The following GPNMB variants were observed in gnomAD, a reference collection of about 807,000 sequenced individuals.
The protein encoded by GPNMB is transmembrane glycoprotein NMB.
Under a neutral mutation model 57.3 loss-of-function variants are expected in GPNMB, and 71 were observed. The observed-to-expected ratio is 1.24, with a 90% CI of 1.02 to 1.51. The LOEUF (loss-of-function observed/expected upper bound fraction) is 1.51, where lower values mean the gene tolerates loss of function less well. Ranked by LOEUF, GPNMB falls within the 40% of genes most tolerant of loss-of-function variation. The probability of loss-of-function intolerance (pLI) is 0.00; values close to 1 mark genes in which losing one functional copy is unlikely to be tolerated. For synonymous variants in GPNMB, 253 were observed against 263.2 expected (o/e 0.96, Z 0.38); for missense variants, 677 against 691.9 (o/e 0.98, Z 0.24).
intron 1 of GPNMB, among the ~76,000 whole-genome samples, chr7:23,251,800 A>G (rs562819329): frequency 6.6e-6 from 1 of 152,360 alleles, no homozygotes; most frequent in East Asian, 1.9e-4. Flanking sequence ...CCAGGATCAA[A>G]TCATCTATCT....
chr7:23,271,984 T>C (rs764752597), intron 9 of GPNMB, among the ~76,000 whole-genome samples: 2 of 152,152 alleles, frequency 1.3e-5, no homozygotes, highest in East Asian at 1.9e-4. Flanking sequence ...AAACCAACGA[T>C]GCAAGGGTGC....
chr7:23,267,767 G>A (rs1783102511), intron 7 of GPNMB, 119 bp from the exon 8 acceptor site: 8 of 758,070 alleles, frequency 1.1e-5, no homozygotes, highest in Admixed American at 7.6e-5. Context: ...CACCTTGGGG[G>A]TTTCAACATA....
intron 1 of GPNMB, among the ~76,000 whole-genome samples, chr7:23,248,906 C>T (rs936723416): frequency 6.6e-6 from 1 of 151,982 alleles, no homozygotes. Flanking sequence ...ACCTCAGCCT[C>T]CTGAGTAGCT....
rs1387824564 is a variant in GPNMB at position 23,260,704 on chromosome 7, G to A, written c.949G>A (p.Ala317Thr). ...GTFSLNLTVK[A>T]AAPGPCPPPP... ...CTTCAGCCTTAACCTCACTGTGAAA[G>A]CTGCAGCACCAGGACCTTGTCCGCC... The change falls in exon 6 of 11, where the codon GCT becomes ACT. Residue 317 changes from alanine (A) to threonine (T), a missense_variant. By Grantham distance (58) the Ala-to-Thr change is moderately conservative. Coordinates refer to ENST00000258733, the MANE Select transcript of GPNMB (RefSeq NM_002510.3). 1.9e-6 allele frequency: 3 copies of A among 1,608,276 alleles called. No individual in the cohort carries two copies. In the Admixed American group the frequency reaches 5.0e-5, roughly 27 times the overall value.
intron 3 of GPNMB, among the ~76,000 whole-genome samples, chr7:23,256,553 G>C (rs186480732): frequency 6.6e-6 from 1 of 152,302 alleles, no homozygotes; most frequent in African/African-American, 2.4e-5. Context: ...CCTACAGAAA[G>C]AGGTGTGTCA....
At chr7:23,253,541 C>T (rs148889150) in intron 2 of GPNMB, 82 bp downstream of exon 2, 82 of 1,150,078 alleles carry the variant, frequency 7.1e-5, no homozygotes, top group South Asian at 3.1e-4. Context: ...TTAGATCACA[C>T]GGCTCACGTC....
intron 5 of GPNMB, 103 bp downstream of exon 5, chr7:23,260,241 C>A: frequency 8.2e-7 from 1 of 1,213,186 alleles, no homozygotes; most frequent in Non-Finnish European, 1.2e-6. Flanking sequence ...GGTTACAATG[C>A]ATCTGGCCCA....
intron 1 of GPNMB, among the ~76,000 whole-genome samples, chr7:23,248,558 C>T (rs1218718683): frequency 2.0e-5 from 3 of 152,070 alleles, no homozygotes; most frequent in African/African-American, 7.2e-5. Flanking sequence ...CTACCATTTT[C>T]CATTCGTAGC....
At chr7:23,265,634 C>T (rs1783039261) in intron 6 of GPNMB, among the ~76,000 whole-genome samples, 1 of 152,040 alleles carries the variant, frequency 6.6e-6, no homozygotes, top group South Asian at 2.1e-4. Flanking sequence ...GATCTTTTCC[C>T]ATATTACTGA....
rs543097618 is a variant in GPNMB, at chr7:23,253,931, C to T, written c.224-238C>T. On this transcript the variant is annotated intron_variant, in intron 2 of 10. Transcript: ENST00000258733. ...CAACAGAGCTGATTTGTTTTATTAT[C>T]ATAGGTAAATGTTCTTGCTGTGATT... is the stretch of plus-strand genomic sequence containing the variant. Among the ~76,000 whole-genome samples, 50 of 152,304 alleles carry T rather than the reference C, an allele frequency of 3.3e-4. 1 individual carries two copies. The highest frequency in any genetic ancestry group is 6.8e-3 in the Middle Eastern group (2 of 294).
intron 9 of GPNMB, among the ~76,000 whole-genome samples, chr7:23,272,495 GAGAA>G (rs1053053765): frequency 4.0e-5 from 6 of 151,478 alleles, no homozygotes; most frequent in Admixed American, 1.3e-4. Context: ...AAAAGAGAGA[GAGAA>G]AGAGAGAGAG....
intron 4 of GPNMB, 124 bp from the exon 5 acceptor site, chr7:23,259,856 C>A: frequency 1.3e-6 from 1 of 797,800 alleles, no homozygotes; most frequent in Non-Finnish European, 2.0e-6. Context: ...AGCAGCACCA[C>A]AGGCCCATCC....
chr7:23,257,808 C>A (rs1200368023), intron 4 of GPNMB: 2 of 152,070 alleles, frequency 1.3e-5, no homozygotes, highest in African/African-American at 4.8e-5. Context: ...AGGAAATCCT[C>A]AGAAAAGGTA....
At chr7:23,270,369 C>T (rs933990619) in intron 9 of GPNMB, among the ~76,000 whole-genome samples, 194 bp downstream of exon 9, 7 of 152,102 alleles carry the variant, frequency 4.6e-5, no homozygotes, top group Admixed American at 3.9e-4. Flanking sequence ...AGTGATGAGA[C>T]ATCTGGTGAA....
chr7:23,272,856 T>G (rs1036976853), intron 9 of GPNMB, among the ~76,000 whole-genome samples: 2 of 151,860 alleles, frequency 1.3e-5, no homozygotes, highest in South Asian at 4.2e-4. Context: ...CTTTTTTTTT[T>G]TTTTTGAGGC....
At chr7:23,252,474 C>A (rs565809123) in intron 1 of GPNMB, among the ~76,000 whole-genome samples, 1 of 152,262 alleles carries the variant, frequency 6.6e-6, no homozygotes, top group African/African-American at 2.4e-5. Flanking sequence ...GCATTCATAT[C>A]AAAGTATTCT....
chr7:23,266,594 C>T lies in GPNMB; in HGVS notation c.1096C>T (p.Gln366Ter), dbSNP rs773782094. The stretch of plus-strand genomic sequence containing the variant: ...CCAGATTAACAGATATGGCCACTTT[C>T]AAGCCACCATCACAATTGTAGGTAA... ...NCQINRYGHF[Q>*]ATITIVEGIL... The change falls in exon 7 of 11, where the codon CAA (glutamine) becomes TAA (stop). Residue 366 changes from glutamine (Q) to a stop codon, truncating the protein, a stop_gained. Coordinates refer to ENST00000258733, the MANE Select transcript of GPNMB (RefSeq NM_002510.3). LOFTEE classifies it high-confidence loss of function. 2.5e-6 allele frequency: 4 copies of T among 1,613,906 alleles called. No individual in the cohort carries two copies. The highest frequency in any genetic ancestry group is 3.4e-6 in the Non-Finnish European group (4 of 1,179,932).
At chr7:23,254,601 AC>A (rs1404439153) in intron 3 of GPNMB, among the ~76,000 whole-genome samples, 1 of 152,150 alleles carries the variant, frequency 6.6e-6, no homozygotes, top group Non-Finnish European at 1.5e-5. Flanking sequence ...GACAGAGAAT[AC>A]CTTGCTGAGT....
chr7:23,268,131 C>T (rs959685970), intron 8 of GPNMB, 143 bp downstream of exon 8: 10 of 621,202 alleles, frequency 1.6e-5, no homozygotes, highest in Non-Finnish European at 2.9e-5. Flanking sequence ...TAACCCTAGA[C>T]AGGAAGGTCC....
Sources: gnomAD v4.1 joint callset for allele counts (sites outside exome capture counted in the v4.1 genomes callset) on GRCh38, gnomAD v4.1.1 for gene constraint, MANE v1.5 for transcripts, NCBI Gene and HGNC (gene_info 2026-07-23, HGNC 2026-07-21) for gene names.